The following BRD9 variants were observed in gnomAD, a reference collection of about 807,000 sequenced individuals.
The protein encoded by BRD9 is bromodomain-containing protein 9.
Under a neutral mutation model 68.7 loss-of-function variants are expected in BRD9, and 47 were observed. The observed-to-expected ratio is 0.68, with a 90% CI of 0.54 to 0.87. The LOEUF (loss-of-function observed/expected upper bound fraction) is 0.87. Among genes scored for constraint, BRD9 ranks in the 40% least tolerant of loss-of-function variants. The probability of loss-of-function intolerance (pLI) is 0.00; values close to 1 mark genes in which losing one functional copy is unlikely to be tolerated. For synonymous variants in BRD9, 313 were observed against 293.9 expected (o/e 1.06, Z -0.67); for missense variants, 670 against 748.4 (o/e 0.90, Z 1.22).
At chr5:883,868 C>G in intron 8 of BRD9, 70 bp downstream of exon 8, 6 of 1,570,494 alleles carry the variant, frequency 3.8e-6, no homozygotes, top group Non-Finnish European at 5.2e-6. Context: ...ACAGCACCAA[C>G]CCAGAAGGAG....
chr5:865,359 T>G (rs956997496), intron 15 of BRD9, 55 bp downstream of exon 15: 3 of 1,509,006 alleles, frequency 2.0e-6, no homozygotes, highest in Non-Finnish European at 2.7e-6. Flanking sequence ...CGTCTAGACG[T>G]CACACTGACT....
intron 13 of BRD9, among the ~76,000 whole-genome samples, chr5:871,210 C>A (rs1750083108): frequency 6.6e-6 from 1 of 152,220 alleles, no homozygotes; most frequent in Non-Finnish European, 1.5e-5. Flanking sequence ...TGGGACAACA[C>A]CTGCTACTCA....
chr5:884,359 A>G (rs1391146705), intron 7 of BRD9, among the ~76,000 whole-genome samples: 2 of 152,248 alleles, frequency 1.3e-5, no homozygotes, highest in Non-Finnish European at 2.9e-5. Flanking sequence ...AAAAGCAACA[A>G]AGTAACAGAT....
intron 8 of BRD9, chr5:881,494 G>A (rs1467407777): frequency 2.3e-6 from 1 of 437,600 alleles, no homozygotes; most frequent in Non-Finnish European, 4.2e-6. Context: ...ACGGTCAGCA[G>A]GTCAGCATGG....
At chr5:869,148 C>A in intron 14 of BRD9, 2 of 347,286 alleles carry the variant, frequency 5.8e-6, no homozygotes, top group Non-Finnish European at 5.6e-6. Context: ...ATTCTAAGCC[C>A]CATGGACTGA....
At chr5:880,616 A>G (rs546864524) in intron 9 of BRD9, among the ~76,000 whole-genome samples, 1 of 152,322 alleles carries the variant, frequency 6.6e-6, no homozygotes, top group East Asian at 1.9e-4. Flanking sequence ...TTCAAAGGAC[A>G]AGCCTCTTAA....
chr5:869,008 C>T (rs779372206), intron 14 of BRD9: 1 of 234,542 alleles, frequency 4.3e-6, no homozygotes. Context: ...AACTGAAAGC[C>T]CCAGGCTGTG....
chr5:871,644 C>G, intron 12 of BRD9, 80 bp from the exon 13 acceptor site: 4 of 1,337,202 alleles, frequency 3.0e-6, no homozygotes, highest in Non-Finnish European at 4.3e-6. Flanking sequence ...ATTACACACA[C>G]GTAAAAATGG....
intron 6 of BRD9, 185 bp from the exon 7 acceptor site, chr5:886,892 G>A: frequency 9.5e-7 from 1 of 1,053,088 alleles, no homozygotes; most frequent in South Asian, 1.6e-5. Context: ...TTCCACGGCG[G>A]AGCAGCGGGA....
rs765857516 is a variant in BRD9 at position 871,567 on chromosome 5, G to A, written c.1384-3C>T. The A allele has an allele frequency of 2.4e-5, 39 of 1,613,888 alleles. No individual in the cohort carries two copies. Among genetic ancestry groups the A allele is most frequent in the South Asian group, 8.8e-5 (8 of 91,074 alleles). ...GGCTTCATGGGAACATTTCTTCTCTGAAAAGTAAATGAGGACAGAAACTAG... is the reference window on the plus strand; with the variant it reads ...GGCTTCATGGGAACATTTCTTCTCTAAAAAGTAAATGAGGACAGAAACTAG... On this transcript the variant is annotated splice_polypyrimidine_tract_variant and splice_region_variant and intron_variant, in intron 12 of 15. Coordinates refer to ENST00000467963, the MANE Select transcript of BRD9 (RefSeq NM_023924.5).
chr5:892,779 G>A lies in BRD9; in HGVS notation c.-122C>T. On this transcript the variant is annotated 5_prime_UTR_variant, in exon 1 of 16. Transcript: ENST00000467963. ...GCGCTCGCTGCGCCGAGGTTGCCGA[G>A]CTCGCTGGGCCGCGCCGGAAACGGG... The A allele has an allele frequency of 9.2e-7, 1 of 1,082,250 alleles. No individual in the cohort carries two copies. The highest frequency in any genetic ancestry group is 1.2e-6 in the Non-Finnish European group (1 of 855,884). 67.0% of individuals were successfully genotyped at this position (1,082,250 alleles called of 1,614,324 possible). A position where few individuals can be genotyped will look rare whatever the true frequency, so the allele number is the denominator to read the frequency against.
At chr5:886,039 C>G (rs1224559329) in intron 7 of BRD9, among the ~76,000 whole-genome samples, 1 of 152,214 alleles carries the variant, frequency 6.6e-6, no homozygotes, top group Non-Finnish European at 1.5e-5. Flanking sequence ...TGGGAGGGAG[C>G]AGAGCTACAG....
chr5:891,009 C>T (rs896012275), intron 3 of BRD9, 146 bp downstream of exon 3: 1 of 1,056,112 alleles, frequency 9.5e-7, no homozygotes, highest in African/African-American at 1.6e-5. Context: ...AAACCTCAGG[C>T]CAGAGGACAC....
intron 13 of BRD9, among the ~76,000 whole-genome samples, chr5:870,873 C>T (rs187080871): frequency 1.4e-4 from 22 of 152,348 alleles, no homozygotes; most frequent in African/African-American, 5.3e-4. Flanking sequence ...CATTATGCAA[C>T]AGGAAGACAC....
intron 13 of BRD9, 114 bp from the exon 14 acceptor site, chr5:870,689 CTCAG>C: frequency 2.7e-6 from 2 of 731,792 alleles, no homozygotes; most frequent in South Asian, 3.4e-5. Flanking sequence ...GAACCCACCC[CTCAG>C]TAAGTGACAA....
At chr5:891,071 C>T in intron 3 of BRD9, 84 bp downstream of exon 3, 2 of 1,443,106 alleles carry the variant, frequency 1.4e-6, no homozygotes, top group South Asian at 2.9e-5. Context: ...TGCTTCTCCC[C>T]AAAGCAACAG....
At chr5:869,672 T>C (rs1040169690) in intron 14 of BRD9, among the ~76,000 whole-genome samples, 1 of 152,248 alleles carries the variant, frequency 6.6e-6, no homozygotes, top group Non-Finnish European at 1.5e-5. Context: ...CAACTGCTTA[T>C]GTTAACCATG....
Position 892,697 on chromosome 5 carries a change from A to G in BRD9, c.-40T>C. On this transcript the variant is annotated 5_prime_UTR_variant, in exon 1 of 16. Transcript: ENST00000467963. ...CGGGCCCGAGGCGGGGGCTGGGAAC[A>G]GCTGGCACCCGGTCGGACCTTGGCC... 7.4e-7 allele frequency: 1 copy of G among 1,359,334 alleles called. No homozygotes were observed. Among genetic ancestry groups the G allele is most frequent in the Non-Finnish European group, 9.5e-7 (1 of 1,054,878 alleles). 84.2% of individuals were successfully genotyped at this position (1,359,334 alleles called of 1,614,324 possible).
chr5:872,927 G>C (rs1460938015), intron 12 of BRD9, among the ~76,000 whole-genome samples: 1 of 152,224 alleles, frequency 6.6e-6, no homozygotes, highest in Non-Finnish European at 1.5e-5. Context: ...CACTCTGGGA[G>C]GCTGAGATGG....
Sources: allele counts gnomAD v4.1 joint callset (sites outside exome capture counted in the v4.1 genomes callset), GRCh38; gene constraint gnomAD v4.1.1; transcripts MANE v1.5; gene names NCBI Gene and HGNC (gene_info 2026-07-23, HGNC 2026-07-21).